AUTS2: variants seen among roughly 807,000 people sequenced by gnomAD.
AUTS2 encodes the protein autism susceptibility gene 2 protein.
Under a neutral mutation model 112.4 loss-of-function variants are expected in AUTS2, and 17 were observed. The observed-to-expected ratio is 0.15, with a 90% CI of 0.10 to 0.23. The LOEUF is 0.23. Among genes scored for constraint, AUTS2 ranks in the 10% least tolerant of loss-of-function variants. The pLI, the probability that AUTS2 is intolerant of heterozygous loss-of-function variation, is 1.00. For missense variants in AUTS2, 1,510 were observed against 1,701.6 expected (o/e 0.89, Z 1.98); for synonymous variants, 751 against 702.7 (o/e 1.07, Z -1.09).
Position 70,766,575 on chromosome 7 carries a change from C to G in AUTS2, c.1689+241C>G, listed in dbSNP as rs1013600522. On this transcript the variant is annotated intron_variant, in intron 9 of 18. Coordinates refer to ENST00000342771, the MANE Select transcript of AUTS2 (RefSeq NM_015570.4). The surrounding 1 kb of genome is among the most constrained non-coding windows in gnomAD (Gnocchi z 4.8). ...GCACTGCGGGCGGAAATGATTCCAT[C>G]TGCCCTCAAAACAGTCATGTCCAGT... is the stretch of plus-strand genomic sequence containing the variant. 2.6e-5 allele frequency among the ~76,000 whole-genome samples: 4 copies of G among 152,224 alleles called. No homozygotes were observed. Among genetic ancestry groups the G allele is most frequent in the Non-Finnish European group, 4.4e-5 (3 of 68,038 alleles).
At chr7:69,916,850 G>A (rs1054660826) in intron 2 of AUTS2, among the ~76,000 whole-genome samples, 1 of 152,162 alleles carries the variant, frequency 6.6e-6, no homozygotes, top group East Asian at 1.9e-4. Flanking sequence ...TGACTTCTCA[G>A]CCTCTAATCT....
At chr7:69,966,881 A>C (rs531819530) in intron 2 of AUTS2, among the ~76,000 whole-genome samples, 2 of 152,186 alleles carry the variant, frequency 1.3e-5, no homozygotes, top group African/African-American at 2.4e-5. Flanking sequence ...CTGAAAAGAA[A>C]TATGTCTATA....
intron 4 of AUTS2, chr7:70,291,451 T>G (rs1298612236): frequency 6.6e-6 from 1 of 152,168 alleles, no homozygotes; most frequent in Non-Finnish European, 1.5e-5. Flanking sequence ...AATGAAATAA[T>G]GTGATAATTC....
chr7:70,434,128 G>T (rs575740196), intron 4 of AUTS2, among the ~76,000 whole-genome samples: 1 of 152,148 alleles, frequency 6.6e-6, no homozygotes. Flanking sequence ...AAGGCAGGTG[G>T]TTCCTTCTTT....
At chr7:69,901,417 T>C (rs2129540784) in intron 2 of AUTS2, among the ~76,000 whole-genome samples, 1 of 152,328 alleles carries the variant, frequency 6.6e-6, no homozygotes, top group African/African-American at 2.4e-5. Flanking sequence ...CTCAGAATTA[T>C]TCTTTGTATT....
At chr7:70,004,030 A>G (rs1453042780) in intron 2 of AUTS2, among the ~76,000 whole-genome samples, 1 of 113,358 alleles carries the variant, frequency 8.8e-6, no homozygotes, top group Non-Finnish European at 1.7e-5. Flanking sequence ...ATATGAATAT[A>G]TATATTATAT....
intron 4 of AUTS2, among the ~76,000 whole-genome samples, chr7:70,372,662 T>C (rs1295357068): frequency 4.7e-5 from 7 of 150,318 alleles, no homozygotes; most frequent in South Asian, 4.2e-4. Flanking sequence ...TTCTTTCTTT[T>C]TTTTTTTTTT....
intron 4 of AUTS2, among the ~76,000 whole-genome samples, chr7:70,432,523 A>G (rs1262483041): frequency 6.6e-6 from 1 of 152,196 alleles, no homozygotes; most frequent in Non-Finnish European, 1.5e-5. Flanking sequence ...GCAGGCCCAT[A>G]AACCGCTGCC....
intron 4 of AUTS2, among the ~76,000 whole-genome samples, chr7:70,296,549 T>C (rs1788943273): frequency 6.6e-6 from 1 of 152,184 alleles, no homozygotes. Flanking sequence ...ATCAGCATCT[T>C]CCCACATCGT....
intron 2 of AUTS2, among the ~76,000 whole-genome samples, chr7:69,989,841 A>G (rs1161078364): frequency 6.6e-6 from 1 of 152,152 alleles, no homozygotes; most frequent in Non-Finnish European, 1.5e-5. Flanking sequence ...AGCTCCTGTC[A>G]GATCAGCGGC....
At chr7:69,726,185 C>T (rs957309724) in intron 1 of AUTS2, among the ~76,000 whole-genome samples, 1 of 152,106 alleles carries the variant, frequency 6.6e-6, no homozygotes, top group Non-Finnish European at 1.5e-5. Context: ...TTTTAGTTTC[C>T]GGTTTGAATC....
chr7:69,827,889 C>T (rs1791323943), intron 1 of AUTS2, among the ~76,000 whole-genome samples: 1 of 152,192 alleles, frequency 6.6e-6, no homozygotes, highest in Non-Finnish European at 1.5e-5. Context: ...AGCATGGTTT[C>T]CTTCCTCTTC....
intron 2 of AUTS2, among the ~76,000 whole-genome samples, chr7:69,954,425 G>T (rs1797140025): frequency 6.6e-6 from 1 of 152,186 alleles, no homozygotes. Context: ...AGGACTACAG[G>T]TATATACCGC....
chr7:70,764,614 C>T (rs1789792049), intron 7 of AUTS2, 138 bp from the exon 8 acceptor site: 1 of 625,912 alleles, frequency 1.6e-6, no homozygotes, highest in Non-Finnish European at 2.9e-6. Context: ...TGTGCTCGTA[C>T]AGGGAGGATC....
Position 70,309,682 on chromosome 7 carries a change from A to G in AUTS2, c.661-126070A>G, listed in dbSNP as rs564210319. Among the ~76,000 whole-genome samples the G allele has an allele frequency of 2.0e-5, 3 of 152,330 alleles. No individual in the cohort carries two copies. The South Asian group carries it at 6.2e-4, about 32-fold the overall frequency. On this transcript the variant is annotated intron_variant, in intron 4 of 18. Transcript: ENST00000342771. ...CATGAGTTACATCTAAAATGTTACT[A>G]CTGTTTTTATGTAGTCTTTAAAAAA...
chr7:69,782,412 A>T (rs995098042), intron 1 of AUTS2, among the ~76,000 whole-genome samples: 1 of 151,046 alleles, frequency 6.6e-6, no homozygotes, highest in Non-Finnish European at 1.5e-5. Flanking sequence ...CATTACATTA[A>T]TTGACTTCCA....
At chr7:70,513,283 A>G (rs1799276301) in intron 5 of AUTS2, among the ~76,000 whole-genome samples, 1 of 152,244 alleles carries the variant, frequency 6.6e-6, no homozygotes, top group Non-Finnish European at 1.5e-5. Flanking sequence ...GTAGTGGTGT[A>G]TCAACCAAAG....
intron 4 of AUTS2, among the ~76,000 whole-genome samples, chr7:70,377,257 C>T (rs796827010): frequency 1.4e-5 from 2 of 138,314 alleles, no homozygotes; most frequent in South Asian, 4.7e-4. Context: ...TTGCAGAGAT[C>T]CTCATACTCA....
intron 2 of AUTS2, among the ~76,000 whole-genome samples, chr7:70,084,122 A>G (rs1803466389): frequency 6.6e-6 from 1 of 152,166 alleles, no homozygotes; most frequent in Non-Finnish European, 1.5e-5. Flanking sequence ...TTTTGTCACT[A>G]TAAAGTTGTA....
Sources: gnomAD v4.1 joint callset for allele counts (sites outside exome capture counted in the v4.1 genomes callset) on GRCh38, gnomAD v4.1.1 for gene constraint, Gnocchi (gnomAD v3.1) non-coding constraint, MANE v1.5 for transcripts, NCBI Gene and HGNC (gene_info 2026-07-23, HGNC 2026-07-21) for gene names.